Variants in ANKDD1B observed in about 807,000 individuals in gnomAD.
The protein encoded by ANKDD1B is ankyrin repeat and death domain-containing protein 1B.
In ANKDD1B, 57 loss-of-function variants were observed where a neutral mutation model predicts 59.7. The ratio of observed to expected loss-of-function variants is 0.95; its 90% CI spans 0.77 to 1.19. The LOEUF is 1.19. ANKDD1B is among the 50% of genes most tolerant of loss of function. The probability of loss-of-function intolerance (pLI) is 0.00; values close to 1 mark genes in which losing one functional copy is unlikely to be tolerated. For missense variants in ANKDD1B, 602 were observed against 641.9 expected (o/e 0.94, Z 0.67); for synonymous variants, 216 against 239.5 (o/e 0.90, Z 0.91).
chr5:75,615,506 A>C lies in ANKDD1B; in HGVS notation c.194-1298A>C, dbSNP rs1240916341. Among the ~76,000 whole-genome samples the C allele has an allele frequency of 5.9e-5, 9 of 152,302 alleles. No individual in the cohort carries two copies. The East Asian group carries it at 1.7e-3, about 29-fold the overall frequency. ...ATGAGTCTACTCAGGCTGCCACGAC[A>C]AAGTACAGCAGACTGGATGGCTCAA... On this transcript the variant is annotated intron_variant, in intron 1 of 13. Coordinates refer to ENST00000601380, the MANE Select transcript of ANKDD1B (RefSeq NM_001276713.2).
intron 7 of ANKDD1B, among the ~76,000 whole-genome samples, chr5:75,642,149 A>G (rs1268936982): frequency 1.3e-5 from 2 of 152,218 alleles, no homozygotes; most frequent in Non-Finnish European, 2.9e-5. Flanking sequence ...GAGAGAGGAA[A>G]ATCAAAGTAG....
chr5:75,612,825 G>A (rs1302172451), intron 1 of ANKDD1B, among the ~76,000 whole-genome samples: 1 of 152,160 alleles, frequency 6.6e-6, no homozygotes, highest in East Asian at 1.9e-4. Flanking sequence ...TGAGCAAGTG[G>A]TATAACTTTT....
chr5:75,663,411 G>A lies in ANKDD1B; in HGVS notation c.1113G>A (p.Leu371=). ...KAVDKQGKTA[L]AVASRSNHSL... ...AATTTTAGCAAGGAAAGACTGCCCT[G>A]GCTGTGGCCTCCAGGAGCAACCATA... Residue 371 remains leucine (L), a synonymous_variant, in exon 11 of 14, where the codon CTG becomes CTA. Coordinates refer to ENST00000601380, the MANE Select transcript of ANKDD1B (RefSeq NM_001276713.2). The A allele has an allele frequency of 4.6e-6, 7 of 1,536,190 alleles. No homozygotes were observed. The highest frequency in any genetic ancestry group is 6.1e-6 in the Non-Finnish European group (7 of 1,146,854).
chr5:75,670,259 A>C (rs1775438770), intron 13 of ANKDD1B, among the ~76,000 whole-genome samples: 2 of 152,104 alleles, frequency 1.3e-5, no homozygotes, highest in African/African-American at 4.8e-5. Context: ...TTTTTGGATC[A>C]CTCTAGTATA....
chr5:75,634,955 A>G lies in ANKDD1B; in HGVS notation c.658A>G (p.Lys220Glu), dbSNP rs1296570292. The G allele has an allele frequency of 6.5e-7, 1 of 1,535,890 alleles. No individual in the cohort carries two copies. Among genetic ancestry groups the G allele is most frequent in the South Asian group, 1.2e-5 (1 of 84,050 alleles). ...AERGHVEMIEKLTFLNLHTSE... is the reference protein window; with the variant it reads ...AERGHVEMIEELTFLNLHTSE... ...GAGGGGCCATGTTGAAATGATAGAA[A>G]AACTTACCTTCCTAAACCTGCATAC... The change falls in exon 6 of 14, where the codon AAA becomes GAA. Residue 220 changes from lysine (K) to glutamate (E), a missense_variant. Transcript: ENST00000601380.
At chr5:75,663,134 T>A (rs1163744070) in intron 10 of ANKDD1B, among the ~76,000 whole-genome samples, 1 of 152,070 alleles carries the variant, frequency 6.6e-6, no homozygotes, top group Admixed American at 6.5e-5. Flanking sequence ...AGAACTTAGG[T>A]CACATAACTA....
intron 10 of ANKDD1B, 33 bp from the exon 11 acceptor site, chr5:75,663,361 A>T (rs1561451094): frequency 6.7e-7 from 1 of 1,484,614 alleles, no homozygotes; most frequent in Non-Finnish European, 9.1e-7. Context: ...ACTAGGCCAT[A>T]TCACCTGAAT....
intron 3 of ANKDD1B, among the ~76,000 whole-genome samples, 193 bp from the exon 4 acceptor site, chr5:75,625,454 C>G (rs1271149239): frequency 6.6e-6 from 1 of 152,128 alleles, no homozygotes; most frequent in East Asian, 1.9e-4. Flanking sequence ...AGATGGAGAA[C>G]CACTTGCCTG....
At chr5:75,618,025 T>C (rs1353618004) in intron 2 of ANKDD1B, among the ~76,000 whole-genome samples, 1 of 151,680 alleles carries the variant, frequency 6.6e-6, no homozygotes. Flanking sequence ...GTGTTATGGG[T>C]GTATATATAG....
At chr5:75,648,603 C>T (rs1274035740) in intron 7 of ANKDD1B, among the ~76,000 whole-genome samples, 1 of 152,146 alleles carries the variant, frequency 6.6e-6, no homozygotes, top group African/African-American at 2.4e-5. Context: ...CTCTAGGCAG[C>T]CTGGAAATGA....
intron 3 of ANKDD1B, among the ~76,000 whole-genome samples, chr5:75,624,008 A>G (rs1055950357): frequency 6.6e-6 from 1 of 152,222 alleles, no homozygotes; most frequent in Admixed American, 6.5e-5. Context: ...AGTGTACTGC[A>G]GGCCCTCATT....
At position 75,666,657 on chromosome 5, in the gene ANKDD1B, C is replaced by T. The variant is rs542881413; in HGVS notation, c.1192-135C>T. 2,689 of 617,550 alleles carry T rather than the reference C, an allele frequency of 4.4e-3. 12 individuals carry two copies. The highest frequency in any genetic ancestry group is 6.3e-3 in the Non-Finnish European group (2,285 of 363,348). 38.3% of individuals were successfully genotyped at this position (617,550 alleles called of 1,614,324 possible). ...CAAAAAAAAAAAATATATATATGAT[C>T]CAGTGACAGGAGGCATTGAAAACAT... On this transcript the variant is annotated intron_variant, in intron 11 of 13. Coordinates refer to ENST00000601380, the MANE Select transcript of ANKDD1B (RefSeq NM_001276713.2).
chr5:75,637,782 AT>A (rs1774356801), intron 7 of ANKDD1B, among the ~76,000 whole-genome samples: 1 of 151,986 alleles, frequency 6.6e-6, no homozygotes, highest in Non-Finnish European at 1.5e-5. Context: ...AGTCTTGACA[AT>A]TTCTTTCTTT....
intron 7 of ANKDD1B, among the ~76,000 whole-genome samples, chr5:75,643,606 C>G (rs1233905566): frequency 2.2e-5 from 1 of 44,986 alleles, no homozygotes; most frequent in Non-Finnish European, 3.6e-5. Flanking sequence ...GTGAAAAGAC[C>G]AAATCTACGT....
intron 3 of ANKDD1B, 125 bp from the exon 4 acceptor site, chr5:75,625,522 C>A: frequency 1.4e-6 from 1 of 706,060 alleles, no homozygotes; most frequent in South Asian, 1.9e-5. Flanking sequence ...ACTTTTGCTG[C>A]ATATTAAATT....
At chr5:75,621,406 T>G (rs1773845014) in intron 3 of ANKDD1B, among the ~76,000 whole-genome samples, 2 of 152,132 alleles carry the variant, frequency 1.3e-5, no homozygotes, top group Non-Finnish European at 2.9e-5. Flanking sequence ...TGAGTTCTGA[T>G]TTTTTCCCCA....
chr5:75,640,051 T>C (rs1233863693), intron 7 of ANKDD1B, among the ~76,000 whole-genome samples: 12 of 152,148 alleles, frequency 7.9e-5, no homozygotes, highest in African/African-American at 2.7e-4. Context: ...CTTTCTTTTT[T>C]TTTTTGTTTT....
At chr5:75,617,111 A>G (rs1245064504) in intron 2 of ANKDD1B, among the ~76,000 whole-genome samples, 1 of 152,178 alleles carries the variant, frequency 6.6e-6, no homozygotes. Context: ...TTCCTCTTCC[A>G]AGAAGGGGAG....
intron 7 of ANKDD1B, among the ~76,000 whole-genome samples, chr5:75,652,730 T>C (rs922619383): frequency 3.1e-4 from 47 of 152,380 alleles, no homozygotes; most frequent in African/African-American, 1.1e-3. Context: ...TGAGCCACTG[T>C]GCCCAGCCAG....
Sources: allele counts gnomAD v4.1 joint callset (sites outside exome capture counted in the v4.1 genomes callset), GRCh38; gene constraint gnomAD v4.1.1; transcripts MANE v1.5; gene names NCBI Gene and HGNC (gene_info 2026-07-23, HGNC 2026-07-21).